The following WDR20 variants were observed in gnomAD, a reference collection of about 807,000 sequenced individuals.
WDR20 encodes WD repeat domain 20, also known as WD repeat-containing protein 20.
Under a neutral mutation model 38.7 loss-of-function variants are expected in WDR20, and 3 were observed. The ratio of observed to expected loss-of-function variants is 0.08; its 90% CI spans 0.04 to 0.20. WDR20 has a LOEUF of 0.20. WDR20 is among the 10% of genes least tolerant of loss of function. WDR20 has a pLI of 1.00. For synonymous variants in WDR20, 298 were observed against 285.6 expected (o/e 1.04, Z -0.44); for missense variants, 559 against 727.7 (o/e 0.77, Z 2.67).
chr14:102,195,795 A>G (rs2059314936), intron 2 of WDR20: 2 of 152,224 alleles, frequency 1.3e-5, no homozygotes, highest in South Asian at 4.1e-4. Context: ...AGTAGATTAT[A>G]TTTTTTAAAG....
chr14:102,224,238 C>G (rs2064157200), downstream of WDR20, among the ~76,000 whole-genome samples: 1 of 151,950 alleles, frequency 6.6e-6, no homozygotes, highest in African/African-American at 2.4e-5. Flanking sequence ...GATGGGGTTT[C>G]ACCATGTTAG....
At chr14:102,223,740 T>A (rs1383221739), downstream of WDR20, 1 of 152,256 alleles carries the variant, frequency 6.6e-6, no homozygotes, top group African/African-American at 2.4e-5. Context: ...CTGGTTGGTA[T>A]GGAATTGTTT....
At chr14:102,139,509 C>A (rs993057549), upstream of WDR20, 3 of 1,241,254 alleles carry the variant, frequency 2.4e-6, no homozygotes, top group African/African-American at 3.0e-5. Context: ...CAGGGCAGGG[C>A]GGGAGACCGC....
At chr14:102,178,546 C>T (rs560817358) in intron 1 of WDR20, among the ~76,000 whole-genome samples, 1 of 152,148 alleles carries the variant, frequency 6.6e-6, no homozygotes, top group Admixed American at 6.5e-5. Flanking sequence ...ATCAGCGTCC[C>T]CTCAGAACTT....
chr14:102,193,369 G>A (rs886241983), intron 1 of WDR20: 7 of 1,328,986 alleles, frequency 5.3e-6, no homozygotes, highest in East Asian at 4.7e-5. Flanking sequence ...TTTTCTCCTC[G>A]CTCCAGTCAG....
At chr14:102,186,839 A>T (rs1431765898) in intron 1 of WDR20, among the ~76,000 whole-genome samples, 1 of 151,598 alleles carries the variant, frequency 6.6e-6, no homozygotes, top group Non-Finnish European at 1.5e-5. Context: ...AGTCCCAGCT[A>T]CTCGGGAGGC....
chr14:102,167,877 A>G (rs1171052393), intron 1 of WDR20, among the ~76,000 whole-genome samples: 1 of 152,232 alleles, frequency 6.6e-6, no homozygotes, highest in African/African-American at 2.4e-5. Flanking sequence ...TAGGTACTTC[A>G]TAAATATTTG....
At chr14:102,213,538 A>C (rs2062820090), downstream of WDR20, 1 of 985,460 alleles carries the variant, frequency 1.0e-6, no homozygotes, top group African/African-American at 1.7e-5. Flanking sequence ...AAAGGCGTTC[A>C]GGAATTCTGA....
downstream of WDR20, among the ~76,000 whole-genome samples, chr14:102,210,795 G>GCTTTGTTT (rs540303749): frequency 3.2e-4 from 49 of 152,242 alleles, no homozygotes; most frequent in Admixed American, 1.6e-3. Context: ...ACTCCTCCGC[G>GCTTTGTTT]CTTTGTTTCG....
intron 1 of WDR20, among the ~76,000 whole-genome samples, chr14:102,168,897 C>T (rs753067919): frequency 5.3e-5 from 8 of 152,198 alleles, no homozygotes; most frequent in African/African-American, 1.9e-4. Context: ...CACCTCTATC[C>T]TTGCCTCTTA....
chr14:102,209,654 T>C lies in WDR20; in HGVS notation c.1484T>C (p.Leu495Pro), dbSNP rs770470320. 1 of 1,614,118 alleles carries C rather than the reference T, an allele frequency of 6.2e-7. No individual in the cohort carries two copies. Among genetic ancestry groups the C allele is most frequent in the Non-Finnish European group, 8.5e-7 (1 of 1,180,028 alleles). Residue 495 changes from leucine to proline, a missense_variant, in exon 3 of 3, where the codon CTG becomes CCG. Coordinates refer to ENST00000342702, the MANE Select transcript of WDR20 (RefSeq NM_144574.4). The surrounding 1 kb of genome is among the most constrained non-coding windows in gnomAD (Gnocchi z 6.0). ...GHISSKSSDK[L>P]NLVTKTKTDP... is the part of the protein sequence containing the mutation. The stretch of plus-strand genomic sequence containing the variant: ...ATTTCTAGCAAGAGCAGTGACAAAC[T>C]GAATCTAGTTACCAAAACCAAAACG...
intron 1 of WDR20, among the ~76,000 whole-genome samples, chr14:102,143,919 G>C (rs1168922436): frequency 6.6e-6 from 1 of 151,616 alleles, no homozygotes; most frequent in Non-Finnish European, 1.5e-5. Flanking sequence ...GCTCATACCT[G>C]TAATCCCAGC....
At chr14:102,194,100 CACTT>C (rs2059008882) in intron 1 of WDR20, among the ~76,000 whole-genome samples, 1 of 152,210 alleles carries the variant, frequency 6.6e-6, no homozygotes, top group Admixed American at 6.5e-5. Context: ...CCAGCCCTGC[CACTT>C]ACTTAGGTAG....
At chr14:102,177,697 T>G (rs368594033) in intron 1 of WDR20, among the ~76,000 whole-genome samples, 1 of 152,142 alleles carries the variant, frequency 6.6e-6, no homozygotes, top group Non-Finnish European at 1.5e-5. Flanking sequence ...GTGATTGATA[T>G]AAGGAAAGGG....
chr14:102,218,473 C>G (rs1484503234), downstream of WDR20, among the ~76,000 whole-genome samples: 1 of 152,248 alleles, frequency 6.6e-6, no homozygotes, highest in Non-Finnish European at 1.5e-5. Context: ...ATCTGGCTGT[C>G]AGAATCTCCA....
At chr14:102,191,015 AG>A (rs1234738120) in intron 1 of WDR20, among the ~76,000 whole-genome samples, 4 of 151,628 alleles carry the variant, frequency 2.6e-5, no homozygotes, top group East Asian at 1.9e-4. Context: ...AAAAAAAAAA[AG>A]AAAAAAATTA....
chr14:102,139,876 G>T (rs751723473), upstream of WDR20: 3 of 1,595,198 alleles, frequency 1.9e-6, no homozygotes, highest in Non-Finnish European at 2.6e-6. Flanking sequence ...CGCCTGCGCG[G>T]TGGGCGTGAT....
chr14:102,218,340 C>T (rs1278366784), downstream of WDR20, among the ~76,000 whole-genome samples: 1 of 152,214 alleles, frequency 6.6e-6, no homozygotes, highest in East Asian at 1.9e-4. Context: ...CACTCACAGG[C>T]CAGGGGTCGT....
chr14:102,217,307 A>G (rs1326418368), downstream of WDR20, among the ~76,000 whole-genome samples: 1 of 152,194 alleles, frequency 6.6e-6, no homozygotes, highest in East Asian at 1.9e-4. Flanking sequence ...TGACTTGCAC[A>G]CGTTCTCTCT....
Sources: gnomAD v4.1 joint callset for allele counts (sites outside exome capture counted in the v4.1 genomes callset) on GRCh38, gnomAD v4.1.1 for gene constraint, Gnocchi (gnomAD v3.1) non-coding constraint, MANE v1.5 for transcripts, NCBI Gene and HGNC (gene_info 2026-07-23, HGNC 2026-07-21) for gene names.